Variants in TRAF7 observed in about 807,000 individuals in gnomAD.
TRAF7 encodes E3 ubiquitin-protein ligase TRAF7.
TRAF7 carries 45 observed loss-of-function variants against 89.3 expected under a neutral mutation model. The ratio of observed to expected loss-of-function variants is 0.50; its 90% CI spans 0.40 to 0.65. TRAF7 has a LOEUF of 0.65. Among genes scored for constraint, TRAF7 ranks in the 30% least tolerant of loss-of-function variants. The pLI is 0.00. For synonymous variants in TRAF7, 406 were observed against 369.2 expected (o/e 1.10, Z -1.14); for missense variants, 677 against 918.1 (o/e 0.74, Z 3.39).
chr16:2,175,714 C>T (rs2093132834), intron 17 of TRAF7, 92 bp downstream of exon 17: 1 of 1,588,070 alleles, frequency 6.3e-7, no homozygotes, highest in Non-Finnish European at 8.6e-7. Context: ...CCTGTTCCTA[C>T]CTTCGCACAT....
intron 4 of TRAF7, among the ~76,000 whole-genome samples, chr16:2,169,242 C>T (rs1414919756): frequency 6.6e-6 from 1 of 152,182 alleles, no homozygotes. Flanking sequence ...CCTTGGCCTT[C>T]CAAAGTGCTG....
chr16:2,164,492 G>A (rs542882453), intron 2 of TRAF7, among the ~76,000 whole-genome samples: 19 of 140,832 alleles, frequency 1.3e-4, no homozygotes, highest in East Asian at 1.3e-3. Context: ...ATGGTTAAGC[G>A]TGTGAGTGCT....
In TRAF7 at chr16:2,168,023, C is replaced by G; in HGVS notation, c.140-54C>G. ...GGGTATCCAGCATGGGCCCCACCTC[C>G]CCCACATCTGCTGAGGGAGCCCCCA... On this transcript the variant is annotated intron_variant, in intron 3 of 20. Coordinates refer to ENST00000326181, the MANE Select transcript of TRAF7 (RefSeq NM_032271.3). The surrounding 1 kb of genome is among the most constrained non-coding windows in gnomAD (Gnocchi z 4.1). 1 of 1,553,684 alleles carries G rather than the reference C, an allele frequency of 6.4e-7. No individual in the cohort carries two copies. The highest frequency in any genetic ancestry group is 8.8e-7 in the Non-Finnish European group (1 of 1,135,482).
Position 2,163,751 on chromosome 16 carries a change from G to A in TRAF7, c.-38-132G>A, listed in dbSNP as rs2093066711. On this transcript the variant is annotated intron_variant, in intron 1 of 20. Transcript: ENST00000326181. The surrounding 1 kb of genome is among the most constrained non-coding windows in gnomAD (Gnocchi z 4.3). ...CCTCCTAGAGGCCTGCCTGAGCCGG[G>A]GCTGGTGGTGGAAGGCTGCTGCGGC... is the stretch of plus-strand genomic sequence containing the variant. 3 of 652,876 alleles carry A rather than the reference G, an allele frequency of 4.6e-6. No individual in the cohort carries two copies. Among genetic ancestry groups the A allele is most frequent in the Non-Finnish European group, 8.2e-6 (3 of 365,218 alleles). 40.4% of individuals were successfully genotyped at this position (652,876 alleles called of 1,614,324 possible).
rs1288393294 is a variant in TRAF7, at chr16:2,163,515, C to T, written c.-38-368C>T. On this transcript the variant is annotated intron_variant, in intron 1 of 20. Coordinates refer to ENST00000326181, the MANE Select transcript of TRAF7 (RefSeq NM_032271.3). This position sits in a 1 kb window ranked among gnomAD's most constrained non-coding sequence, Gnocchi z 4.3. ...CTGGGCCTACCCACCAAGGCCCAGC[C>T]TTGGCCCCAGGGACATTCAGCCTGG... 1.5e-5 allele frequency: 4 copies of T among 258,906 alleles called. No homozygotes were observed. The highest frequency in any genetic ancestry group is 1.5e-4 in the Admixed American group (3 of 19,748). 16.0% of individuals were successfully genotyped at this position (258,906 alleles called of 1,614,324 possible). A position where few individuals can be genotyped will look rare whatever the true frequency, so the allele number is the denominator to read the frequency against.
Position 2,162,993 on chromosome 16 carries a change from C to T in TRAF7, c.-38-890C>T, listed in dbSNP as rs564657479. On this transcript the variant is annotated intron_variant, in intron 1 of 20. Transcript: ENST00000326181. This position sits in a 1 kb window ranked among gnomAD's most constrained non-coding sequence, Gnocchi z 5.0. ...TCACGGGGGGAGAGTGGGCGTCATCCAGCATGGACAGCCCCTTCCCCGGGC... is the reference window on the plus strand; with the variant it reads ...TCACGGGGGGAGAGTGGGCGTCATCTAGCATGGACAGCCCCTTCCCCGGGC... Among the ~76,000 whole-genome samples the T allele has an allele frequency of 2.6e-5, 4 of 151,292 alleles. No homozygotes were observed. Among genetic ancestry groups the T allele is most frequent in the African/African-American group, 9.6e-5 (4 of 41,574 alleles).
rs1288941996 is a variant in TRAF7 at position 2,168,153 on chromosome 16, C to T, written c.216C>T (p.Asp72=). 13 of 1,611,258 alleles carry T rather than the reference C, an allele frequency of 8.1e-6. No individual in the cohort carries two copies. The highest frequency in any genetic ancestry group is 2.2e-5 in the South Asian group (2 of 90,906). Residue 72 remains aspartate, a synonymous_variant, in exon 4 of 21, where the codon GAC becomes GAT. Coordinates refer to ENST00000326181, the MANE Select transcript of TRAF7 (RefSeq NM_032271.3). This position sits in a 1 kb window ranked among gnomAD's most constrained non-coding sequence, Gnocchi z 4.1. ...SSSTLAYSPR[D]EEDSMPPIST... ...GCACCCTTGCCTACTCCCCGCGGGACGAGGAGGACAGCATGGTAGGTCCCT... is the reference window on the plus strand; with the variant it reads ...GCACCCTTGCCTACTCCCCGCGGGATGAGGAGGACAGCATGGTAGGTCCCT...
chr16:2,164,052 C>CG (rs1567247066), intron 2 of TRAF7, 51 bp downstream of exon 2: 1 of 1,517,738 alleles, frequency 6.6e-7, no homozygotes, highest in East Asian at 2.3e-5. Flanking sequence ...CCCCAGCATG[C>CG]CCCAGGGATC....
rs533151574 is a variant in TRAF7, at chr16:2,158,738, A to G, written c.-39+2880A>G. Among the ~76,000 whole-genome samples the G allele has an allele frequency of 1.8e-4, 24 of 134,102 alleles. No homozygotes were observed. The highest frequency in any genetic ancestry group is 3.3e-4 in the Non-Finnish European group (21 of 63,232). 88.0% of individuals were successfully genotyped at this position (134,102 alleles called of 152,430 possible). On this transcript the variant is annotated intron_variant, in intron 1 of 20. Transcript: ENST00000326181. This position sits in a 1 kb window ranked among gnomAD's most constrained non-coding sequence, Gnocchi z 4.7. The stretch of plus-strand genomic sequence containing the variant: ...AGCCACACAGGAAGCAAATGAGAAC[A>G]CAGCGTGGGACTGGGAAGCGTGGGC...
In TRAF7 at chr16:2,163,720, C is replaced by T. The variant is rs1307567206; in HGVS notation, c.-38-163C>T. ...GCATACCTGGGATCGGGGTGAAGGA[C>T]CTTTGCCTCCTAGAGGCCTGCCTGA... On this transcript the variant is annotated intron_variant, in intron 1 of 20. Coordinates refer to ENST00000326181, the MANE Select transcript of TRAF7 (RefSeq NM_032271.3). The surrounding 1 kb of genome is among the most constrained non-coding windows in gnomAD (Gnocchi z 4.3). 3 of 609,668 alleles carry T rather than the reference C, an allele frequency of 4.9e-6. No individual in the cohort carries two copies. The African/African-American group carries it at 5.6e-5, about 11-fold the overall frequency. The allele number at this position is 609,668 out of a possible 1,614,324, so 37.8% of individuals were successfully genotyped here. A position where few individuals can be genotyped will look rare whatever the true frequency, so the allele number is the denominator to read the frequency against.
At chr16:2,167,882 C>T (rs915627371) in intron 3 of TRAF7, among the ~76,000 whole-genome samples, 195 bp from the exon 4 acceptor site, 4 of 152,120 alleles carry the variant, frequency 2.6e-5, no homozygotes, top group African/African-American at 7.2e-5. Flanking sequence ...CGTCCATGCT[C>T]CTGGCACTGG....
At position 2,172,450 on chromosome 16, in the gene TRAF7, C is replaced by T. The variant is rs1165897305; in HGVS notation, c.660-15C>T. The T allele has an allele frequency of 6.2e-7, 1 of 1,610,628 alleles. No homozygotes were observed. The highest frequency in any genetic ancestry group is 1.7e-5 in the Admixed American group (1 of 59,846). On this transcript the variant is annotated splice_polypyrimidine_tract_variant and intron_variant, in intron 8 of 20. Transcript: ENST00000326181. ...GGCTCTGGCTGAGGCCTCCCCGCAT[C>T]CCGCCCTGGCACAGGGACCACGAGG... is the stretch of plus-strand genomic sequence containing the variant.
rs779624474 is a variant in TRAF7, at chr16:2,163,959, C to T, written c.39C>T (p.Ser13=). The T allele has an allele frequency of 2.4e-5, 38 of 1,612,706 alleles. No homozygotes were observed. Among genetic ancestry groups the T allele is most frequent in the Middle Eastern group, 1.6e-4 (1 of 6,084 alleles). The change falls in exon 2 of 21, where the codon TCC becomes TCT. Residue 13 remains serine (S), a synonymous_variant. Coordinates refer to ENST00000326181, the MANE Select transcript of TRAF7 (RefSeq NM_032271.3). This position sits in a 1 kb window ranked among gnomAD's most constrained non-coding sequence, Gnocchi z 4.3. The part of the protein sequence containing the change: ...SGKSARYNRF[S]GGPSNLPTPD... ...AGAGTGCCCGCTACAACCGCTTCTCCGGGGGGCCCAGCAATCTTCCCACCC... is the reference window on the plus strand; with the variant it reads ...AGAGTGCCCGCTACAACCGCTTCTCTGGGGGGCCCAGCAATCTTCCCACCC...
chr16:2,156,533 T>C (rs1012243149), intron 1 of TRAF7, among the ~76,000 whole-genome samples: 5 of 151,110 alleles, frequency 3.3e-5, no homozygotes, highest in Non-Finnish European at 7.4e-5. Context: ...TGGCCGGGGG[T>C]AGGGGCGGCG....
intron 12 of TRAF7, 21 bp downstream of exon 12, chr16:2,173,857 G>GCGGGGGGCCCCCCCC: frequency 3.1e-6 from 5 of 1,607,474 alleles, no homozygotes; most frequent in Non-Finnish European, 3.4e-6. Context: ...ACCCGCCGTG[G>GCGGGGGGCCCCCCCC]CTCCCGCCCA....
chr16:2,157,466 G>A (rs1023891892), intron 1 of TRAF7, among the ~76,000 whole-genome samples: 3 of 152,222 alleles, frequency 2.0e-5, no homozygotes, highest in Admixed American at 6.5e-5. Flanking sequence ...CCACCGAAAA[G>A]TGCCTTTGGC....
intron 1 of TRAF7, among the ~76,000 whole-genome samples, chr16:2,156,240 A>G (rs1157994518): frequency 6.6e-6 from 1 of 151,986 alleles, no homozygotes; most frequent in African/African-American, 2.4e-5. Flanking sequence ...ACCATCGACC[A>G]CGCGGCCCGG....
At position 2,162,121 on chromosome 16, in the gene TRAF7, G is replaced by A. The variant is rs2093060432; in HGVS notation, c.-38-1762G>A. Among the ~76,000 whole-genome samples, 2 of 152,368 alleles carry A rather than the reference G, an allele frequency of 1.3e-5. No homozygotes were observed. The highest frequency in any genetic ancestry group is 2.1e-4 in the South Asian group (1 of 4,832). On this transcript the variant is annotated intron_variant, in intron 1 of 20. Coordinates refer to ENST00000326181, the MANE Select transcript of TRAF7 (RefSeq NM_032271.3). This position sits in a 1 kb window ranked among gnomAD's most constrained non-coding sequence, Gnocchi z 5.0. ...GATCAGGTGGGGCCAGGTAGCTCGT[G>A]GCGCTGCCAACTGCAGGGGCTGAGA...
In TRAF7 at chr16:2,175,431, C is replaced by T. The variant is rs2141294148; in HGVS notation, c.1503+14C>T. 2 of 1,613,220 alleles carry T rather than the reference C, an allele frequency of 1.2e-6. No individual in the cohort carries two copies. Among genetic ancestry groups the T allele is most frequent in the East Asian group, 2.2e-5 (1 of 44,854 alleles). ...AAGGCCATCAAGGTACGGGTGGAGG[C>T]TGTGCCTACGTGTGTGTCACTGAGG... is the stretch of plus-strand genomic sequence containing the variant. On this transcript the variant is annotated intron_variant, in intron 16 of 20. Transcript: ENST00000326181.
Sources: gnomAD v4.1 joint callset for allele counts (sites outside exome capture counted in the v4.1 genomes callset) on GRCh38, gnomAD v4.1.1 for gene constraint, Gnocchi (gnomAD v3.1) non-coding constraint, MANE v1.5 for transcripts, NCBI Gene and HGNC (gene_info 2026-07-23, HGNC 2026-07-21) for gene names.